The following C11orf24 variants were observed in gnomAD, a reference collection of about 807,000 sequenced individuals.
The protein encoded by C11orf24 is uncharacterized protein C11orf24.
In C11orf24, 5 loss-of-function variants were observed where a neutral mutation model predicts 7.3. That is an observed-to-expected ratio of 0.69 (90% CI 0.36 to 1.45). The LOEUF is 1.45. Ranked by LOEUF, C11orf24 falls within the 40% of genes most tolerant of loss-of-function variation. The pLI is 0.03. For synonymous variants in C11orf24, 233 were observed against 235.7 expected (o/e 0.99, Z 0.11); for missense variants, 566 against 590.5 (o/e 0.96, Z 0.43).
In C11orf24 at chr11:68,262,494, G is replaced by A. The variant is rs368976144; in HGVS notation, c.501C>T (p.Pro167=). The change falls in exon 4 of 4, where the codon CCC becomes CCT. Residue 167 remains proline (P), a synonymous_variant. Transcript: ENST00000304271. ...GCCCTGTGGAAGTGGACGTGGGCGC[G>A]GGGAGTGCAAGTGTCATGGGAGTGC... ...ASSTPMTLAL[P]APTSTSTGRT... 50 of 1,613,958 alleles carry A rather than the reference G, an allele frequency of 3.1e-5. No homozygotes were observed. Among genetic ancestry groups the A allele is most frequent in the African/African-American group, 1.7e-4 (13 of 74,906 alleles).
In C11orf24 at chr11:68,271,946, A is replaced by C. The variant is rs927095693; in HGVS notation, c.-387T>G. 1 of 152,086 alleles carries C rather than the reference A, an allele frequency of 6.6e-6. No homozygotes were observed. Among genetic ancestry groups the C allele is most frequent in the Admixed American group, 6.5e-5 (1 of 15,278 alleles). 9.4% of individuals were successfully genotyped at this position (152,086 alleles called of 1,614,324 possible). On this transcript the variant is annotated 5_prime_UTR_variant, in exon 1 of 4. Transcript: ENST00000304271. ...GCGCGGGGACGTGGCCGGCAGCGCA[A>C]CCCAGGCAGCTCCGGGCAGCGCGCC... is the stretch of plus-strand genomic sequence containing the variant.
chr11:68,265,077 G>T (rs2098564378), intron 2 of C11orf24, among the ~76,000 whole-genome samples: 1 of 151,870 alleles, frequency 6.6e-6, no homozygotes, highest in South Asian at 2.1e-4. Context: ...GGAAAGCGAT[G>T]CCTGGGCCGC....
At chr11:68,265,152 G>T (rs1028989062) in intron 2 of C11orf24, among the ~76,000 whole-genome samples, 2 of 152,196 alleles carry the variant, frequency 1.3e-5, no homozygotes, top group African/African-American at 4.8e-5. Flanking sequence ...CAACAGCAGG[G>T]TCAGAGGCAA....
At chr11:68,265,085 C>T (rs1304038170) in intron 2 of C11orf24, among the ~76,000 whole-genome samples, 1 of 149,658 alleles carries the variant, frequency 6.7e-6, no homozygotes, top group Admixed American at 6.7e-5. Context: ...ATGCCTGGGC[C>T]GCATTCTGAA....
chr11:68,262,825 A>G lies in C11orf24; in HGVS notation c.170T>C (p.Met57Thr), dbSNP rs2098562654. Residue 57 changes from methionine to threonine, a missense_variant, in exon 4 of 4, where the codon ATG becomes ACG. Physicochemically the swap from Met to Thr is moderately conservative, Grantham distance 81. Coordinates refer to ENST00000304271, the MANE Select transcript of C11orf24 (RefSeq NM_022338.4). ...CAATGTGACAGGAGAAGCTGCTGCCATGGTTACATCCTCAGACGTTTTATT... is the reference window on the plus strand; with the variant it reads ...CAATGTGACAGGAGAAGCTGCTGCCGTGGTTACATCCTCAGACGTTTTATT... Reference protein sequence around the residue: ...VDNKTSEDVTMAAASPVTLTK... With the variant: ...VDNKTSEDVTTAAASPVTLTK... 1 of 1,614,026 alleles carries G rather than the reference A, an allele frequency of 6.2e-7. No individual in the cohort carries two copies. The highest frequency in any genetic ancestry group is 8.5e-7 in the Non-Finnish European group (1 of 1,180,038).
chr11:68,270,602 G>A (rs1228723626), intron 1 of C11orf24, among the ~76,000 whole-genome samples: 1 of 142,920 alleles, frequency 7.0e-6, no homozygotes, highest in East Asian at 2.1e-4. Context: ...AAAAAAAAAA[G>A]GGAAAGAAAT....
intron 2 of C11orf24, 73 bp from the exon 3 acceptor site, chr11:68,263,939 T>C: frequency 1.6e-6 from 1 of 610,448 alleles, no homozygotes; most frequent in South Asian, 2.0e-5. Flanking sequence ...GAGCACCTGC[T>C]GTGGAGGGCT....
In C11orf24 at chr11:68,261,785, C is replaced by A; in HGVS notation, c.1210G>T (p.Val404Leu). The stretch of plus-strand genomic sequence containing the variant: ...AGGGTCACCCCGAGTAACAGCACCA[C>A]CAGAAGGAGAGTTTTGTCTACCACG... ...QAVVDKTLLL[V>L]VLLLGVTLFI... is the part of the protein sequence containing the mutation. The change falls in exon 4 of 4, where the codon GTG becomes TTG. Residue 404 changes from valine to leucine, a missense_variant. Val to Leu is a conservative substitution (Grantham distance 32). Coordinates refer to ENST00000304271, the MANE Select transcript of C11orf24 (RefSeq NM_022338.4). 1 of 1,614,206 alleles carries A rather than the reference C, an allele frequency of 6.2e-7. No homozygotes were observed. The highest frequency in any genetic ancestry group is 8.5e-7 in the Non-Finnish European group (1 of 1,180,040).
rs1437155787 is a variant in C11orf24 at position 68,261,498 on chromosome 11, A to G, written c.*147T>C. 1.5e-6 allele frequency: 1 copy of G among 657,118 alleles called. No individual in the cohort carries two copies. The highest frequency in any genetic ancestry group is 2.6e-6 in the Non-Finnish European group (1 of 389,334). 40.7% of individuals were successfully genotyped at this position (657,118 alleles called of 1,614,324 possible). ...GCAGCAACTCTTTAGTGATCATGGAATTAATCTGACAGCAATTAAATGTGT... is the reference window on the plus strand; with the variant it reads ...GCAGCAACTCTTTAGTGATCATGGAGTTAATCTGACAGCAATTAAATGTGT... On this transcript the variant is annotated 3_prime_UTR_variant, in exon 4 of 4. Coordinates refer to ENST00000304271, the MANE Select transcript of C11orf24 (RefSeq NM_022338.4).
chr11:68,264,494 CCAT>C (rs2098563622), intron 2 of C11orf24, among the ~76,000 whole-genome samples: 1 of 144,756 alleles, frequency 6.9e-6, no homozygotes, highest in Non-Finnish European at 1.5e-5. Flanking sequence ...ACCCACCCAT[CCAT>C]CCACCCACTC....
chr11:68,271,675 CG>C (rs2098568061), intron 1 of C11orf24, 181 bp downstream of exon 1: 1 of 153,566 alleles, frequency 6.5e-6, no homozygotes, highest in Non-Finnish European at 1.4e-5. Flanking sequence ...GCACTCTGTG[CG>C]TGCCCCATCC....
intron 1 of C11orf24, among the ~76,000 whole-genome samples, chr11:68,269,815 T>C (rs1266784292): frequency 6.6e-6 from 1 of 152,210 alleles, no homozygotes; most frequent in East Asian, 1.9e-4. Context: ...GAAACAGGAA[T>C]TGGCCACTGT....
In C11orf24 at chr11:68,262,253, G is replaced by T; in HGVS notation, c.742C>A (p.Pro248Thr). 1 of 1,613,404 alleles carries T rather than the reference G, an allele frequency of 6.2e-7. No individual in the cohort carries two copies. Among genetic ancestry groups the T allele is most frequent in the Non-Finnish European group, 8.5e-7 (1 of 1,179,404 alleles). Reference sequence around the variant, plus strand: ...GGACCTTGTGCTTGGGGACGCATAGGGGGTACAGGGCTTGCCGCGGTGTCA... The same window carrying T: ...GGACCTTGTGCTTGGGGACGCATAGTGGGTACAGGGCTTGCCGCGGTGTCA... ...PSDTAASPVP[P>T]MRPQAQGPIS... The change falls in exon 4 of 4, where the codon CCT becomes ACT. Residue 248 changes from proline to threonine, a missense_variant. By Grantham distance (38) the Pro-to-Thr change is conservative (BLOSUM62 -1). Coordinates refer to ENST00000304271, the MANE Select transcript of C11orf24 (RefSeq NM_022338.4).
intron 2 of C11orf24, among the ~76,000 whole-genome samples, chr11:68,265,591 C>T (rs548526437): frequency 6.6e-6 from 1 of 152,278 alleles, no homozygotes; most frequent in Admixed American, 6.5e-5. Flanking sequence ...TTTTGACCTC[C>T]CAGGCTCAAA....
chr11:68,266,785 A>G (rs2098565387), intron 2 of C11orf24, among the ~76,000 whole-genome samples: 2 of 152,108 alleles, frequency 1.3e-5, no homozygotes, highest in Non-Finnish European at 2.9e-5. Flanking sequence ...AGTAACATCT[A>G]CCGAATGTTT....
Position 68,262,531 on chromosome 11 carries a change from G to A in C11orf24, c.464C>T (p.Thr155Ile). 2 of 1,611,098 alleles carry A rather than the reference G, an allele frequency of 1.2e-6. No homozygotes were observed. The highest frequency in any genetic ancestry group is 1.7e-6 in the Non-Finnish European group (2 of 1,177,864). Reference sequence around the variant, plus strand: ...TGTCATGGGAGTGCTGGAGGCCGCAGTCATACTGGAGGCTGCAGTCGTGGG... The same window carrying A: ...TGTCATGGGAGTGCTGGAGGCCGCAATCATACTGGAGGCTGCAGTCGTGGG... Reference protein sequence around the residue: ...IAPTTAASSMTAASSTPMTLA... With the variant: ...IAPTTAASSMIAASSTPMTLA... The change falls in exon 4 of 4, where the codon ACT (threonine) becomes ATT (isoleucine). Residue 155 changes from threonine to isoleucine, a missense_variant. Physicochemically the swap from Thr to Ile is moderately conservative, Grantham distance 89. Transcript: ENST00000304271.
chr11:68,263,049 A>G, intron 3 of C11orf24, 131 bp from the exon 4 acceptor site: 3 of 674,684 alleles, frequency 4.4e-6, no homozygotes, highest in Non-Finnish European at 5.0e-6. Context: ...GGGGGAGGTG[A>G]TGTGCGAACA....
chr11:68,270,586 T>TAAA (rs10631184), intron 1 of C11orf24, among the ~76,000 whole-genome samples: 2 of 142,952 alleles, frequency 1.4e-5, no homozygotes, highest in African/African-American at 2.6e-5. Context: ...CCCCATCTCT[T>TAAA]AAAAAAAAAA....
intron 1 of C11orf24, among the ~76,000 whole-genome samples, chr11:68,270,203 C>G (rs192984346): frequency 6.6e-6 from 1 of 152,130 alleles, no homozygotes; most frequent in African/African-American, 2.4e-5. Context: ...GATGGAAAGA[C>G]GGAAGGTTAG....
Sources: gnomAD v4.1 joint callset for allele counts (sites outside exome capture counted in the v4.1 genomes callset) on GRCh38, gnomAD v4.1.1 for gene constraint, MANE v1.5 for transcripts, NCBI Gene and HGNC (gene_info 2026-07-23, HGNC 2026-07-21) for gene names.